CEP135: variants seen among roughly 807,000 people sequenced by gnomAD.
CEP135 encodes centrosomal protein of 135 kDa.
CEP135 carries 142 observed loss-of-function variants against 157.3 expected under a neutral mutation model. The ratio of observed to expected loss-of-function variants is 0.90; its 90% CI spans 0.79 to 1.04. The LOEUF (loss-of-function observed/expected upper bound fraction) is 1.04. Ranked by LOEUF, CEP135 falls within the 50% of genes least tolerant of loss-of-function variation. CEP135 has a pLI of 0.00. For missense variants in CEP135, 1,317 were observed against 1,309.2 expected (o/e 1.01, Z -0.09); for synonymous variants, 396 against 439.8 (o/e 0.90, Z 1.25).
intron 19 of CEP135, among the ~76,000 whole-genome samples, chr4:56,010,747 A>G (rs1730553353): frequency 6.6e-6 from 1 of 152,154 alleles, no homozygotes; most frequent in African/African-American, 2.4e-5. Flanking sequence ...TTGTACTGAG[A>G]AAACCAGTGA....
At position 56,019,404 on chromosome 4, in the gene CEP135, CA is replaced by C; in HGVS notation, c.3066del (p.Gln1022HisfsTer28). ...GTCAGAGTCAGACCTACTGAAAAAA[CA>C]ACTTTCAAATGAGAGACATACAGTT... ...VKSESDLLKK[Q>X]LSNERHTVKN... is the part of the protein sequence containing the mutation. On this transcript the variant is annotated frameshift_variant, in exon 23 of 26. Transcript: ENST00000257287. LOFTEE classifies it high-confidence loss of function. The C allele has an allele frequency of 6.2e-7, 1 of 1,613,632 alleles. No individual in the cohort carries two copies. The highest frequency in any genetic ancestry group is 8.5e-7 in the Non-Finnish European group (1 of 1,179,854).
intron 9 of CEP135, 53 bp from the exon 10 acceptor site, chr4:55,971,217 A>C: frequency 7.2e-7 from 1 of 1,393,790 alleles, no homozygotes; most frequent in East Asian, 2.4e-5. Context: ...CTTAAGTGCG[A>C]TAATATTTTA....
intron 10 of CEP135, 42 bp from the exon 11 acceptor site, chr4:55,974,704 G>A (rs1729134983): frequency 7.1e-7 from 1 of 1,414,646 alleles, no homozygotes; most frequent in Non-Finnish European, 9.8e-7. Context: ...TCAACATTAT[G>A]TATACAACAT....
chr4:56,017,343 T>G (rs945711703), intron 21 of CEP135, among the ~76,000 whole-genome samples: 16 of 152,256 alleles, frequency 1.1e-4, no homozygotes, highest in African/African-American at 3.6e-4. Context: ...AAAAATTTAA[T>G]GCAACCTCAA....
chr4:55,980,056 G>A (rs1577882044), intron 11 of CEP135, 87 bp from the exon 12 acceptor site: 1 of 1,083,180 alleles, frequency 9.2e-7, no homozygotes, highest in East Asian at 2.4e-5. Flanking sequence ...TTTTTGTCTG[G>A]TAGCATCTTT....
chr4:56,008,638 A>G (rs1176519863), intron 18 of CEP135, among the ~76,000 whole-genome samples: 1 of 152,148 alleles, frequency 6.6e-6, no homozygotes, highest in East Asian at 1.9e-4. Context: ...TATTTTTACT[A>G]TAATTATGCC....
chr4:55,989,309 C>T (rs1324039427), intron 14 of CEP135, among the ~76,000 whole-genome samples: 2 of 152,146 alleles, frequency 1.3e-5, no homozygotes, highest in Non-Finnish European at 2.9e-5. Context: ...CACTATGTTT[C>T]AGATACTTTT....
intron 25 of CEP135, among the ~76,000 whole-genome samples, chr4:56,030,616 G>A (rs1731307356): frequency 6.6e-6 from 1 of 151,964 alleles, no homozygotes; most frequent in Non-Finnish European, 1.5e-5. Context: ...ACCATACCCA[G>A]CTAATTTTTG....
At position 55,988,041 on chromosome 4, in the gene CEP135, T is replaced by C. The variant is rs985653625; in HGVS notation, c.1857+2683T>C. Among the ~76,000 whole-genome samples, 4 of 152,178 alleles carry C rather than the reference T, an allele frequency of 2.6e-5. No individual in the cohort carries two copies. The South Asian group carries it at 8.3e-4, about 31-fold the overall frequency. On this transcript the variant is annotated intron_variant, in intron 14 of 25. Transcript: ENST00000257287. ...AGTCATGAATAATACAATTTACCTA[T>C]GGATAAATTTACAGAATCTTTATAG...
At chr4:55,959,475 A>G (rs535685167) in intron 5 of CEP135, among the ~76,000 whole-genome samples, 1 of 122,438 alleles carries the variant, frequency 8.2e-6, no homozygotes, top group Admixed American at 8.9e-5. Flanking sequence ...CAAATTATTT[A>G]CTACTCAGTT....
chr4:55,957,247 T>C lies in CEP135; in HGVS notation c.497T>C (p.Phe166Ser). Residue 166 changes from phenylalanine to serine, a missense_variant, in exon 5 of 26, where the codon TTC becomes TCC. Coordinates refer to ENST00000257287, the MANE Select transcript of CEP135 (RefSeq NM_025009.5). ...GGTGGCAAGAAAAGAAGTATTGCTT[T>C]CAGGCGCCAGCGTATGCAAATTGAT... ...TPGGKKRSIA[F>S]RRQRMQIDEP... 1.9e-6 allele frequency: 3 copies of C among 1,613,886 alleles called. No individual in the cohort carries two copies. Among genetic ancestry groups the C allele is most frequent in the Middle Eastern group, 1.7e-4 (1 of 6,058 alleles).
At chr4:55,988,428 G>A (rs2109696051) in intron 14 of CEP135, among the ~76,000 whole-genome samples, 1 of 152,278 alleles carries the variant, frequency 6.6e-6, no homozygotes, top group South Asian at 2.1e-4. Context: ...GGGAGTCAGA[G>A]GCAGGAGGAT....
chr4:55,954,344 C>G lies in CEP135; in HGVS notation c.433C>G (p.Leu145Val). ...SKAKNERIQQ[L>V]QEKNLHAVVQ... ...AGCTAAGAATGAAAGAATTCAACAA[C>G]TTCAAGAAAAGAATTTGCATGCTGT... Residue 145 changes from leucine to valine, a missense_variant, in exon 4 of 26, where the codon CTT (leucine) becomes GTT (valine). Coordinates refer to ENST00000257287, the MANE Select transcript of CEP135 (RefSeq NM_025009.5). 6.2e-7 allele frequency: 1 copy of G among 1,606,684 alleles called. No individual in the cohort carries two copies. The highest frequency in any genetic ancestry group is 8.5e-7 in the Non-Finnish European group (1 of 1,177,786).
chr4:56,004,059 C>A (rs796831347), intron 17 of CEP135, among the ~76,000 whole-genome samples: 1 of 152,214 alleles, frequency 6.6e-6, no homozygotes, highest in South Asian at 2.1e-4. Context: ...TATAAACTTC[C>A]CTCTTAGCAC....
At chr4:56,014,822 A>C (rs77551137) in intron 21 of CEP135, among the ~76,000 whole-genome samples, 4,399 of 152,218 alleles carry the variant, frequency 0.029, 223 homozygotes, top group African/African-American at 0.099. Flanking sequence ...CAAGCAATCC[A>C]CCTGTGTCCA....
In CEP135 at chr4:55,974,592, T is replaced by A. The variant is rs190329352; in HGVS notation, c.1250-154T>A. The stretch of plus-strand genomic sequence containing the variant: ...TTTTCCCTTCTTTCCTCTCAATATT[T>A]ACCTCTTCAATAGATTTGGTACCTA... On this transcript the variant is annotated intron_variant, in intron 10 of 25. Transcript: ENST00000257287. 5.3e-5 allele frequency among the ~76,000 whole-genome samples: 8 copies of A among 152,314 alleles called. No individual in the cohort carries two copies. The East Asian group carries it at 1.5e-3, about 29-fold the overall frequency.
At chr4:55,985,433 T>C (rs1020383338) in intron 14 of CEP135, 75 bp downstream of exon 14, 2 of 557,028 alleles carry the variant, frequency 3.6e-6, no homozygotes, top group Non-Finnish European at 5.9e-6. Context: ...TAATACACTA[T>C]TTTTTAATTT....
At chr4:55,975,538 A>G (rs576231784) in intron 11 of CEP135, among the ~76,000 whole-genome samples, 1 of 152,338 alleles carries the variant, frequency 6.6e-6, no homozygotes, top group East Asian at 1.9e-4. Flanking sequence ...TTATTTTCTA[A>G]TTGCATCTCC....
chr4:55,975,000 A>T (rs776965988), intron 11 of CEP135, 31 bp downstream of exon 11: 4 of 1,448,216 alleles, frequency 2.8e-6, no homozygotes, highest in Non-Finnish European at 3.8e-6. Flanking sequence ...TAGGCCAGAA[A>T]GTATCTTTAT....
Sources: allele counts gnomAD v4.1 joint callset (sites outside exome capture counted in the v4.1 genomes callset), GRCh38; gene constraint gnomAD v4.1.1; transcripts MANE v1.5; gene names NCBI Gene and HGNC (gene_info 2026-07-23, HGNC 2026-07-21).